The following GLIS3 variants were observed in gnomAD, a reference collection of about 807,000 sequenced individuals.
The protein encoded by GLIS3 is zinc finger protein GLIS3.
Under a neutral mutation model 78.6 loss-of-function variants are expected in GLIS3, and 53 were observed. The ratio of observed to expected loss-of-function variants is 0.67; its 90% CI spans 0.54 to 0.85. The LOEUF (loss-of-function observed/expected upper bound fraction) is 0.85. GLIS3 is among the 40% of genes least tolerant of loss of function. The pLI is 0.00. For synonymous variants in GLIS3, 684 were observed against 509.9 expected, an observed-to-expected ratio of 1.34 and a Z score of -4.60; for missense variants, 1,703 against 1,231.1, an observed-to-expected ratio of 1.38 and a Z score of -5.74.
the GLIS3 span, among the ~76,000 whole-genome samples, chr9:4,457,157 G>C: frequency 6.6e-6 from 1 of 152,022 alleles, no homozygotes; most frequent in Non-Finnish European, 1.5e-5. Flanking sequence ...GAGGCCAGGA[G>C]TTTGAGACCA....
intron 4 of GLIS3, among the ~76,000 whole-genome samples, chr9:4,041,914 A>T (rs2130371952): frequency 6.6e-6 from 1 of 152,246 alleles, no homozygotes; most frequent in Non-Finnish European, 1.5e-5. Context: ...CTTATGCCCA[A>T]ACCTTGATAT....
chr9:3,846,787 G>A (rs1286855139), intron 9 of GLIS3, among the ~76,000 whole-genome samples: 1 of 152,184 alleles, frequency 6.6e-6, no homozygotes, highest in Non-Finnish European at 1.5e-5. Context: ...CTGACAAGAA[G>A]CAGTAATATA....
At chr9:4,027,727 C>G (rs1160988083) in intron 4 of GLIS3, among the ~76,000 whole-genome samples, 2 of 152,194 alleles carry the variant, frequency 1.3e-5, no homozygotes, top group Non-Finnish European at 2.9e-5. Context: ...CTCTAGAATC[C>G]TGTTCTATCC....
intron 2 of GLIS3, among the ~76,000 whole-genome samples, chr9:4,191,487 G>A (rs1455982593): frequency 2.0e-5 from 3 of 152,204 alleles, no homozygotes; most frequent in Non-Finnish European, 4.4e-5. Context: ...AAACATTTCT[G>A]TAATTTGAGG....
chr9:4,415,259 T>A, the GLIS3 span, among the ~76,000 whole-genome samples: 1 of 152,204 alleles, frequency 6.6e-6, no homozygotes, highest in Non-Finnish European at 1.5e-5. Flanking sequence ...GATTAGTGGT[T>A]AAGTTCTCAG....
At chr9:4,394,312 T>TAAAAATTATTATCTCATAATTTTA in the GLIS3 span, among the ~76,000 whole-genome samples, 662 of 151,686 alleles carry the variant, frequency 4.4e-3, 1 homozygote, top group Middle Eastern at 0.034. Context: ...TTAAATAATT[T>TAAAAATTATTATCTCATAATTTTA]AAAAATTATT....
chr9:4,315,567 G>A (rs1395160155), intron 2 of GLIS3, among the ~76,000 whole-genome samples: 1 of 152,104 alleles, frequency 6.6e-6, no homozygotes, highest in African/African-American at 2.4e-5. Flanking sequence ...CCGCCTACAT[G>A]CCTTAGAAAT....
intron 9 of GLIS3, among the ~76,000 whole-genome samples, chr9:3,854,159 G>T (rs1262159149): frequency 1.3e-5 from 2 of 152,208 alleles, no homozygotes; most frequent in African/African-American, 4.8e-5. Flanking sequence ...CTCTTTCAGA[G>T]TAGATAAACT....
chr9:4,025,106 G>T (rs1823219094), intron 4 of GLIS3, among the ~76,000 whole-genome samples: 1 of 152,036 alleles, frequency 6.6e-6, no homozygotes, highest in Non-Finnish European at 1.5e-5. Flanking sequence ...CAAAAAATTA[G>T]CCAAGCGTGG....
At chr9:4,056,708 GAC>G (rs368768492) in intron 4 of GLIS3, among the ~76,000 whole-genome samples, 13 of 151,916 alleles carry the variant, frequency 8.6e-5, no homozygotes, top group African/African-American at 3.1e-4. Flanking sequence ...TATACAGAGT[GAC>G]ACACACACAC....
chr9:4,245,392 C>T (rs932598264), intron 2 of GLIS3, among the ~76,000 whole-genome samples: 2 of 152,106 alleles, frequency 1.3e-5, no homozygotes, highest in African/African-American at 4.8e-5. Flanking sequence ...CATCACTTTG[C>T]CAAATTTCAA....
intron 2 of GLIS3, among the ~76,000 whole-genome samples, chr9:4,274,225 T>C (rs971029043): frequency 6.6e-6 from 1 of 152,220 alleles, no homozygotes; most frequent in Admixed American, 6.5e-5. Context: ...AATGTCAATG[T>C]ACACTTGCAA....
chr9:4,178,114 C>T (rs544084946), intron 2 of GLIS3, among the ~76,000 whole-genome samples: 9 of 152,134 alleles, frequency 5.9e-5, no homozygotes, highest in Non-Finnish European at 1.0e-4. Flanking sequence ...GTTTCTTATT[C>T]TTAAAGATAT....
chr9:3,988,814 G>GA (rs149295663), intron 4 of GLIS3, among the ~76,000 whole-genome samples: 218 of 150,810 alleles, frequency 1.4e-3, no homozygotes, highest in African/African-American at 4.9e-3. Flanking sequence ...AACTTTCAGG[G>GA]AAAAAAAAAG....
rs138421817 is a variant in GLIS3, at chr9:4,153,935, C to G, written c.389-27994G>C. Among the ~76,000 whole-genome samples the G allele has an allele frequency of 7.9e-3, 1,203 of 152,316 alleles. 56 individuals carry two copies. The highest frequency in any genetic ancestry group is 0.068 in the Admixed American group (1,045 of 15,292). ...TTTGGGGTCTCTCATGCACTGCAGT[C>G]ACATGTCACCTAGGACAGCAGTCAT... On this transcript the variant is annotated intron_variant, in intron 2 of 10. Coordinates refer to ENST00000381971, the MANE Select transcript of GLIS3 (RefSeq NM_001042413.2).
intron 2 of GLIS3, among the ~76,000 whole-genome samples, chr9:4,163,054 G>A (rs556041283): frequency 6.6e-6 from 1 of 151,976 alleles, no homozygotes; most frequent in Non-Finnish European, 1.5e-5. Context: ...ACAATGCCTG[G>A]GCATCATGCT....
At chr9:3,976,386 G>T (rs1464892941) in intron 4 of GLIS3, among the ~76,000 whole-genome samples, 1 of 152,070 alleles carries the variant, frequency 6.6e-6, no homozygotes, top group Non-Finnish European at 1.5e-5. Flanking sequence ...GGAAATCACA[G>T]AAATTTTTCT....
chr9:4,025,085 T>C (rs1823217044), intron 4 of GLIS3, among the ~76,000 whole-genome samples: 1 of 151,942 alleles, frequency 6.6e-6, no homozygotes, highest in Admixed American at 6.6e-5. Flanking sequence ...CCCCCATCTC[T>C]ACTAAAAATA....
intron 7 of GLIS3, among the ~76,000 whole-genome samples, chr9:3,890,762 AC>A (rs199570700): frequency 0.041 from 6,219 of 150,630 alleles, 449 homozygotes; most frequent in African/African-American, 0.15. Flanking sequence ...AACAACAACA[AC>A]ACAACAACAA....
Sources: allele counts gnomAD v4.1 joint callset (sites outside exome capture counted in the v4.1 genomes callset), GRCh38; gene constraint gnomAD v4.1.1; transcripts MANE v1.5; gene names NCBI Gene and HGNC (gene_info 2026-07-23, HGNC 2026-07-21).